The following ADH7 variants were observed in gnomAD, a reference collection of about 807,000 sequenced individuals.
The protein encoded by ADH7 is all-trans-retinol dehydrogenase [NAD(+)] ADH7.
Under a neutral mutation model 34.4 loss-of-function variants are expected in ADH7, and 41 were observed. The ratio of observed to expected loss-of-function variants is 1.19; its 90% CI spans 0.93 to 1.55. The LOEUF is 1.55. Ranked by LOEUF, ADH7 falls within the 40% of genes most tolerant of loss-of-function variation. The pLI, the probability that ADH7 is intolerant of heterozygous loss-of-function variation, is 0.00. For missense variants in ADH7, 540 were observed against 461.2 expected (o/e 1.17, Z -1.56); for synonymous variants, 180 against 160.9 (o/e 1.12, Z -0.90).
intron 6 of ADH7, 141 bp from the exon 7 acceptor site, chr4:99,419,262 A>T (rs2110134166): frequency 9.5e-7 from 1 of 1,053,934 alleles, no homozygotes; most frequent in Non-Finnish European, 1.3e-6. Flanking sequence ...AAAAAATTTC[A>T]GTGCAACTTT....
chr4:99,428,196 A>G (rs764437981), intron 3 of ADH7, 22 bp from the exon 4 acceptor site: 1 of 1,583,536 alleles, frequency 6.3e-7, no homozygotes, highest in South Asian at 1.1e-5. Context: ...AAATCATGAT[A>G]TAAGATGCTG....
intron 1 of ADH7, chr4:99,434,961 T>A: frequency 7.5e-7 from 1 of 1,336,150 alleles, no homozygotes; most frequent in Admixed American, 2.0e-5. Flanking sequence ...ATAATGCCAA[T>A]ATAAATCAAT....
At chr4:99,421,172 A>C (rs943272460) in intron 5 of ADH7, among the ~76,000 whole-genome samples, 1 of 152,196 alleles carries the variant, frequency 6.6e-6, no homozygotes, top group African/African-American at 2.4e-5. Context: ...TCTAGAACCA[A>C]AAAAGAGCCC....
Position 99,413,089 on chromosome 4 carries a change from C to T in ADH7, c.*59G>A, listed in dbSNP as rs370657801. The T allele has an allele frequency of 1.8e-5, 29 of 1,576,658 alleles. No individual in the cohort carries two copies. The African/African-American group carries it at 3.8e-4, about 21-fold the overall frequency. On this transcript the variant is annotated 3_prime_UTR_variant, in exon 9 of 9. Transcript: ENST00000437033. ...AGATACATGATTTCAGATGAGGGAA[C>T]TCTCACAAGAGAAACTCCAGTTCAC...
At chr4:99,428,361 A>T in intron 3 of ADH7, 131 bp downstream of exon 3, 1 of 1,327,612 alleles carries the variant, frequency 7.5e-7, no homozygotes, top group Non-Finnish European at 1.0e-6. Context: ...AGTAAAATCC[A>T]TTCTTGTATC....
At position 99,427,793 on chromosome 4, in the gene ADH7, C is replaced by T. The variant is rs373728468; in HGVS notation, c.544G>A (p.Ala182Thr). ...IGCGFSTGYG[A>T]AVKTGKVKPG... ...CTTACCTTGCCAGTTTTAACAGCAG[C>T]GCCATATCCAGTGGAAAACCCACAG... The change falls in exon 5 of 9, where the codon GCT becomes ACT. Residue 182 changes from alanine to threonine, a missense_variant. Physicochemically the swap from Ala to Thr is moderately conservative, Grantham distance 58 (BLOSUM62 0). Coordinates refer to ENST00000437033, the MANE Select transcript of ADH7 (RefSeq NM_000673.7). The T allele has an allele frequency of 1.3e-5, 21 of 1,566,526 alleles. No individual in the cohort carries two copies. The highest frequency in any genetic ancestry group is 3.6e-5 in the South Asian group (3 of 82,456).
Position 99,412,460 on chromosome 4 carries a change from G to C in ADH7, c.*688C>G, listed in dbSNP as rs1721429165. On this transcript the variant is annotated 3_prime_UTR_variant, in exon 9 of 9. Transcript: ENST00000437033. Reference sequence around the variant, plus strand: ...TGATAAGTATGATAATATGATTCTAGCTCTATGTTTATATTCAGTATTACA... The same window carrying C: ...TGATAAGTATGATAATATGATTCTACCTCTATGTTTATATTCAGTATTACA... The C allele has an allele frequency of 6.6e-6, 1 of 151,870 alleles. No homozygotes were observed. The highest frequency in any genetic ancestry group is 6.6e-5 in the Admixed American group (1 of 15,234). 9.4% of individuals were successfully genotyped at this position (151,870 alleles called of 1,614,324 possible). A position where few individuals can be genotyped will look rare whatever the true frequency, so the allele number is the denominator to read the frequency against.
intron 5 of ADH7, among the ~76,000 whole-genome samples, chr4:99,427,083 T>C (rs1333945801): frequency 6.6e-6 from 1 of 152,074 alleles, no homozygotes; most frequent in Admixed American, 6.6e-5. Context: ...AGGTCAAAGA[T>C]TCTTAATTCC....
intron 4 of ADH7, 45 bp downstream of exon 4, chr4:99,428,042 T>A (rs954097807): frequency 9.9e-6 from 16 of 1,612,520 alleles, no homozygotes; most frequent in Non-Finnish European, 1.4e-5. Flanking sequence ...AAAATTAGCA[T>A]AGGAAAAATG....
In ADH7 at chr4:99,423,272, T is replaced by C. The variant is rs1579575962; in HGVS notation, c.565-2479A>G. Among the ~76,000 whole-genome samples, 5 of 149,782 alleles carry C rather than the reference T, an allele frequency of 3.3e-5. 1 individual carries two copies. The highest frequency in any genetic ancestry group is 3.3e-4 in the Admixed American group (5 of 15,018). On this transcript the variant is annotated intron_variant, in intron 5 of 8. Coordinates refer to ENST00000437033, the MANE Select transcript of ADH7 (RefSeq NM_000673.7). ...TGTGCCACATTTTCTTAATCCAGTC[T>C]ATCATTGTTGGACATTTGGATTGGT...
chr4:99,431,909 C>T (rs1328949660), intron 1 of ADH7, among the ~76,000 whole-genome samples: 1 of 152,104 alleles, frequency 6.6e-6, no homozygotes, highest in African/African-American at 2.4e-5. Context: ...GCAGTCTGGC[C>T]ATTTCTCAAA....
rs779989965 is a variant in ADH7 at position 99,428,580 on chromosome 4, T to C, written c.171A>G (p.Thr57=). The C allele has an allele frequency of 3.7e-6, 6 of 1,613,816 alleles. No homozygotes were observed. In the African/African-American group the frequency reaches 8.0e-5, roughly 22 times the overall value. The change falls in exon 3 of 9, where the codon ACA becomes ACG. Residue 57 remains threonine, a synonymous_variant. Transcript: ENST00000437033. The part of the protein sequence containing the change: ...CRTDDHVIKG[T]MVSKFPVIVG... ...CAATCACTGGAAACTTGGACACCAT[T>C]GTTCCTTTTATCACATGGTCATCTG...
chr4:99,412,879 C>A lies in ADH7; in HGVS notation c.*269G>T. The A allele has an allele frequency of 2.8e-6, 1 of 351,602 alleles. No homozygotes were observed. Among genetic ancestry groups the A allele is most frequent in the Non-Finnish European group, 5.1e-6 (1 of 196,296 alleles). The allele number at this position is 351,602 out of a possible 1,614,324, so 21.8% of individuals were successfully genotyped here. ...AAATCTCCATTTCAACATAGAAATC[C>A]AAGTGTATGTTTTCTTAAAAGATAC... On this transcript the variant is annotated 3_prime_UTR_variant, in exon 9 of 9. Coordinates refer to ENST00000437033, the MANE Select transcript of ADH7 (RefSeq NM_000673.7).
rs1211526977 is a variant in ADH7 at position 99,412,538 on chromosome 4, C to T, written c.*610G>A. ...TATGCTGGCAAATAGCCTTGTGTACCCATATGATATACTTTTTCAGTTTCA... is the reference window on the plus strand; with the variant it reads ...TATGCTGGCAAATAGCCTTGTGTACTCATATGATATACTTTTTCAGTTTCA... On this transcript the variant is annotated 3_prime_UTR_variant, in exon 9 of 9. Coordinates refer to ENST00000437033, the MANE Select transcript of ADH7 (RefSeq NM_000673.7). The T allele has an allele frequency of 6.6e-6, 1 of 151,820 alleles. No homozygotes were observed. Among genetic ancestry groups the T allele is most frequent in the Non-Finnish European group, 1.5e-5 (1 of 67,926 alleles). The allele number at this position is 151,820 out of a possible 1,614,324, so 9.4% of individuals were successfully genotyped here.
In ADH7 at chr4:99,416,068, A is replaced by G. The variant is rs188186428; in HGVS notation, c.962-452T>C. The stretch of plus-strand genomic sequence containing the variant: ...GATGGGTTGATGGGTGCAGCAAACC[A>G]CCATGGCACTTGTATTCCAACGTAA... On this transcript the variant is annotated intron_variant, in intron 7 of 8. Coordinates refer to ENST00000437033, the MANE Select transcript of ADH7 (RefSeq NM_000673.7). Among the ~76,000 whole-genome samples, 144 of 152,234 alleles carry G rather than the reference A, an allele frequency of 9.5e-4. 2 individuals are homozygous for G. The highest frequency in any genetic ancestry group is 9.3e-3 in the Admixed American group (142 of 15,274).
chr4:99,428,287 G>A, intron 3 of ADH7, 113 bp from the exon 4 acceptor site: 1 of 1,262,132 alleles, frequency 7.9e-7, no homozygotes, highest in South Asian at 1.4e-5. Flanking sequence ...TATATTCTAA[G>A]GTTTATAAAC....
chr4:99,426,760 A>AG (rs1449143124), intron 5 of ADH7, among the ~76,000 whole-genome samples: 2 of 152,214 alleles, frequency 1.3e-5, no homozygotes, highest in Non-Finnish European at 2.9e-5. Flanking sequence ...ACAACCAAAA[A>AG]AGAGAATTTT....
At chr4:99,426,622 A>G (rs1175753818) in intron 5 of ADH7, among the ~76,000 whole-genome samples, 1 of 152,206 alleles carries the variant, frequency 6.6e-6, no homozygotes, top group East Asian at 1.9e-4. Flanking sequence ...GCCGAATTCT[A>G]CAAGAGGTAC....
chr4:99,420,967 G>A (rs1365351292), intron 5 of ADH7, among the ~76,000 whole-genome samples, 174 bp from the exon 6 acceptor site: 2 of 152,154 alleles, frequency 1.3e-5, no homozygotes, highest in African/African-American at 2.4e-5. Flanking sequence ...CCTCTTCAAG[G>A]AGAATTACAA....
Sources: gnomAD v4.1 joint callset for allele counts (sites outside exome capture counted in the v4.1 genomes callset) on GRCh38, gnomAD v4.1.1 for gene constraint, MANE v1.5 for transcripts, NCBI Gene and HGNC (gene_info 2026-07-23, HGNC 2026-07-21) for gene names.